Variants in PRR5L observed in about 807,000 individuals in gnomAD.
PRR5L encodes the protein proline rich 5 like, also known as proline-rich protein 5-like.
Under a neutral mutation model 36.4 loss-of-function variants are expected in PRR5L, and 21 were observed. That is an observed-to-expected ratio of 0.58 (90% confidence interval 0.41 to 0.83). PRR5L has a LOEUF of 0.83. Among genes scored for constraint, PRR5L ranks in the 40% least tolerant of loss-of-function variants. PRR5L has a pLI of 0.00. For missense variants in PRR5L, 381 were observed against 473.3 expected, an observed-to-expected ratio of 0.80 and a Z score of 1.81; for synonymous variants, 188 against 197.0, an observed-to-expected ratio of 0.95 and a Z score of 0.38.
chr11:36,297,742 A>G (rs1856327970), intron 1 of PRR5L, among the ~76,000 whole-genome samples: 1 of 152,118 alleles, frequency 6.6e-6, no homozygotes, highest in Non-Finnish European at 1.5e-5. Context: ...AATCAGCCAG[A>G]TCTTTGAATT....
intron 1 of PRR5L, among the ~76,000 whole-genome samples, chr11:36,351,306 A>G (rs1241032292): frequency 8.5e-5 from 6 of 70,926 alleles, no homozygotes; most frequent in South Asian, 6.3e-4. Context: ...TTATATATAT[A>G]TTTATATATA....
chr11:36,352,638 A>G (rs1856987643), intron 1 of PRR5L, among the ~76,000 whole-genome samples: 1 of 149,944 alleles, frequency 6.7e-6, no homozygotes, highest in Admixed American at 6.7e-5. Context: ...CTCAGTATGG[A>G]TCCCCAATTT....
intron 5 of PRR5L, among the ~76,000 whole-genome samples, chr11:36,432,724 C>A (rs1303083546): frequency 1.3e-5 from 2 of 152,040 alleles, no homozygotes; most frequent in African/African-American, 2.4e-5. Context: ...CGGACCCTTT[C>A]TTTTTTTTCT....
intron 4 of PRR5L, among the ~76,000 whole-genome samples, chr11:36,429,962 G>A (rs1858459607): frequency 6.6e-6 from 1 of 152,194 alleles, no homozygotes; most frequent in Non-Finnish European, 1.5e-5. Flanking sequence ...GAACTTGGCT[G>A]GAAGCTAAAG....
intron 1 of PRR5L, among the ~76,000 whole-genome samples, chr11:36,315,874 C>T (rs571601373): frequency 1.3e-5 from 2 of 152,236 alleles, no homozygotes; most frequent in Admixed American, 1.3e-4. Flanking sequence ...TGAAACAAGC[C>T]CTTCTAGGAT....
At chr11:36,304,267 C>A (rs1856406995) in intron 1 of PRR5L, among the ~76,000 whole-genome samples, 1 of 152,136 alleles carries the variant, frequency 6.6e-6, no homozygotes, top group South Asian at 2.1e-4. Flanking sequence ...ATGTTCCTGC[C>A]TTTCATTCCT....
At chr11:36,329,825 A>G (rs73443153) in intron 1 of PRR5L, among the ~76,000 whole-genome samples, 3,408 of 152,282 alleles carry the variant, frequency 0.022, 94 homozygotes, top group African/African-American at 0.067. Context: ...TTCAAAACAT[A>G]CAGTTTCCTG....
At chr11:36,312,488 G>A (rs1590431342) in intron 1 of PRR5L, among the ~76,000 whole-genome samples, 1 of 152,212 alleles carries the variant, frequency 6.6e-6, no homozygotes, top group Non-Finnish European at 1.5e-5. Flanking sequence ...CCTGCTAAGG[G>A]CTGAGCCAGC....
In PRR5L at chr11:36,323,176, G is replaced by C. The variant is rs376951613; in HGVS notation, c.-126+26738G>C. 1.8e-4 allele frequency among the ~76,000 whole-genome samples: 27 copies of C among 152,270 alleles called. 1 individual carries two copies. In the East Asian group the frequency reaches 2.1e-3, roughly 12 times the overall value. ...TTGGATAGAAGTTGTCAGAAGCTAA[G>C]GATTCTGGGTGGCTACCATCCACAG... On this transcript the variant is annotated intron_variant, in intron 1 of 8. Transcript: ENST00000530639.
chr11:36,322,571 C>T (rs11033551), intron 1 of PRR5L, among the ~76,000 whole-genome samples: 3,464 of 152,174 alleles, frequency 0.023, 83 homozygotes, highest in East Asian at 0.099. Flanking sequence ...CATTGTGCAC[C>T]ACCACCCACC....
chr11:36,440,327 C>T (rs1303791364), intron 6 of PRR5L, among the ~76,000 whole-genome samples: 2 of 152,106 alleles, frequency 1.3e-5, no homozygotes, highest in East Asian at 1.9e-4. Context: ...CTGTCCTTGG[C>T]CCGGTTAAAC....
chr11:36,351,264 T>TTA (rs1235878262), intron 1 of PRR5L, among the ~76,000 whole-genome samples: 4 of 14,138 alleles, frequency 2.8e-4, no homozygotes, highest in South Asian at 2.3e-3. Flanking sequence ...ATATGTATAT[T>TTA]TATATATTTA....
intron 8 of PRR5L, among the ~76,000 whole-genome samples, chr11:36,458,854 G>A (rs1447520643): frequency 1.3e-5 from 2 of 152,216 alleles, no homozygotes; most frequent in African/African-American, 2.4e-5. Context: ...ATACCATTGG[G>A]CCCCACTCCC....
chr11:36,376,554 G>A (rs1234740610), intron 1 of PRR5L: 2 of 1,001,964 alleles, frequency 2.0e-6, no homozygotes, highest in South Asian at 4.1e-5. Flanking sequence ...AGAGCGCGAC[G>A]GGGAGAACCA....
rs1859258662 is a variant in PRR5L at position 36,464,638 on chromosome 11, T to C, written c.*1902T>C. ...ATGATAATTTATGTAACTGATAGCT[T>C]CTGTCCTTATTAGTACACTTAACAT... On this transcript the variant is annotated 3_prime_UTR_variant, in exon 9 of 9. Coordinates refer to ENST00000530639, the MANE Select transcript of PRR5L (RefSeq NM_001160167.2). 1 of 152,230 alleles carries C rather than the reference T, an allele frequency of 6.6e-6. No individual in the cohort carries two copies. The highest frequency in any genetic ancestry group is 2.1e-4 in the South Asian group (1 of 4,832). The allele number at this position is 152,230 out of a possible 1,614,324, so 9.4% of individuals were successfully genotyped here.
chr11:36,371,876 T>C (rs1464728913), intron 1 of PRR5L, among the ~76,000 whole-genome samples: 3 of 151,966 alleles, frequency 2.0e-5, no homozygotes, highest in African/African-American at 7.3e-5. Flanking sequence ...CTGGCCAACA[T>C]GGTGAAATCC....
At chr11:36,360,157 A>G (rs1311623032) in intron 1 of PRR5L, among the ~76,000 whole-genome samples, 2 of 152,022 alleles carry the variant, frequency 1.3e-5, no homozygotes, top group African/African-American at 2.4e-5. Flanking sequence ...ATCTCAGGAG[A>G]ATCATGAAAT....
At chr11:36,309,973 C>A (rs562964832) in intron 1 of PRR5L, among the ~76,000 whole-genome samples, 308 of 152,270 alleles carry the variant, frequency 2.0e-3, no homozygotes, top group Non-Finnish European at 3.5e-3. Context: ...CTACCACCAC[C>A]ACCATCATCC....
intron 1 of PRR5L, among the ~76,000 whole-genome samples, chr11:36,351,427 AT>A (rs1856949234): frequency 1.6e-5 from 1 of 64,280 alleles, no homozygotes; most frequent in South Asian, 5.6e-4. Flanking sequence ...ATATATTTAT[AT>A]ATTTATATAT....
Sources: allele counts gnomAD v4.1 joint callset (sites outside exome capture counted in the v4.1 genomes callset), GRCh38; gene constraint gnomAD v4.1.1; transcripts MANE v1.5; gene names NCBI Gene and HGNC (gene_info 2026-07-23, HGNC 2026-07-21).